CNOT4: variants seen among roughly 807,000 people sequenced by gnomAD.
CNOT4 encodes the protein CCR4-associated factor 4.
In CNOT4, 8 loss-of-function variants were observed where a neutral mutation model predicts 73.8. The ratio of observed to expected loss-of-function variants is 0.11; its 90% CI spans 0.06 to 0.20. The LOEUF (loss-of-function observed/expected upper bound fraction) is 0.20, where lower values mean the gene tolerates loss of function less well. CNOT4 is among the 10% of genes least tolerant of loss of function. The pLI is 1.00. For synonymous variants in CNOT4, 293 were observed against 321.1 expected, an observed-to-expected ratio of 0.91 and a Z score of 0.94; for missense variants, 564 against 883.4, an observed-to-expected ratio of 0.64 and a Z score of 4.58.
Position 135,395,739 on chromosome 7 carries a change from G to T in CNOT4, c.1024C>A (p.Arg342Ser). The T allele has an allele frequency of 9.9e-6, 16 of 1,613,278 alleles. No individual in the cohort carries two copies. The highest frequency in any genetic ancestry group is 1.3e-5 in the Non-Finnish European group (15 of 1,179,598). Residue 342 changes from arginine (R) to serine (S), a missense_variant, in exon 9 of 12, where the codon CGC becomes AGC. Transcript: ENST00000541284. The part of the protein sequence containing the change: ...ESQSLFSDNF[R>S]HPNPIPSGLP... ...CCACTTGGGATAGGGTTGGGATGGCGAAAATTGTCTGAGAATAACGACTGT... is the reference window on the plus strand; with the variant it reads ...CCACTTGGGATAGGGTTGGGATGGCTAAAATTGTCTGAGAATAACGACTGT...
intron 1 of CNOT4, among the ~76,000 whole-genome samples, chr7:135,459,591 G>A (rs751616059): frequency 1.2e-4 from 18 of 152,198 alleles, no homozygotes; most frequent in African/African-American, 4.1e-4. Context: ...GGACCTCCTC[G>A]CCTATGGATA....
At chr7:135,419,544 C>G (rs2129484407) in intron 3 of CNOT4, among the ~76,000 whole-genome samples, 2 of 152,084 alleles carry the variant, frequency 1.3e-5, no homozygotes, top group Admixed American at 1.3e-4. Context: ...GGAAAGCACC[C>G]ATTTATTTTA....
In CNOT4 at chr7:135,438,573, A is replaced by C. The variant is rs1454977051; in HGVS notation, c.-92-150T>G. 3 of 358,316 alleles carry C rather than the reference A, an allele frequency of 8.4e-6. No homozygotes were observed. In the East Asian group the frequency reaches 1.3e-4, roughly 16 times the overall value. The allele number at this position is 358,316 out of a possible 1,614,324, so 22.2% of individuals were successfully genotyped here. A position where few individuals can be genotyped will look rare whatever the true frequency, so the allele number is the denominator to read the frequency against. ...TGGCTTTCAGAATGGATTTCTGAAA[A>C]TTTTGAATACCAAAACAAAAGGCCT... On this transcript the variant is annotated intron_variant, in intron 1 of 11. Transcript: ENST00000541284.
intron 1 of CNOT4, among the ~76,000 whole-genome samples, chr7:135,498,113 T>G (rs1328882018): frequency 1.3e-5 from 2 of 152,164 alleles, no homozygotes; most frequent in African/African-American, 2.4e-5. Flanking sequence ...GTCTCACAGA[T>G]AGTAAGTAAG....
intron 1 of CNOT4, among the ~76,000 whole-genome samples, chr7:135,492,691 G>A (rs1803194677): frequency 1.3e-5 from 2 of 152,130 alleles, no homozygotes; most frequent in African/African-American, 4.8e-5. Flanking sequence ...CAGCTCTTTG[G>A]GAGGCCAAGA....
chr7:135,456,042 A>G (rs1306934501), intron 1 of CNOT4, among the ~76,000 whole-genome samples: 1 of 152,236 alleles, frequency 6.6e-6, no homozygotes. Flanking sequence ...TCTAGACATT[A>G]GGAAACATTT....
At chr7:135,414,618 A>G (rs938640089) in intron 4 of CNOT4, among the ~76,000 whole-genome samples, 186 bp from the exon 5 acceptor site, 1 of 152,122 alleles carries the variant, frequency 6.6e-6, no homozygotes, top group African/African-American at 2.4e-5. Context: ...ATAATACTCA[A>G]TGAATTTTAT....
chr7:135,408,404 G>GTGTATATACTCT (rs1563031339), intron 7 of CNOT4, among the ~76,000 whole-genome samples: 1 of 152,018 alleles, frequency 6.6e-6, no homozygotes, highest in African/African-American at 2.4e-5. Context: ...TGTGTATAAT[G>GTGTATATACTCT]GTTTATAGGC....
At chr7:135,445,558 A>G (rs2129485651) in intron 1 of CNOT4, among the ~76,000 whole-genome samples, 1 of 152,342 alleles carries the variant, frequency 6.6e-6, no homozygotes, top group South Asian at 2.1e-4. Flanking sequence ...TTGTAGACGT[A>G]TCAAAATATT....
At chr7:135,444,174 TAC>T (rs1265004848) in intron 1 of CNOT4, among the ~76,000 whole-genome samples, 1 of 147,248 alleles carries the variant, frequency 6.8e-6, no homozygotes, top group Non-Finnish European at 1.5e-5. Flanking sequence ...ATAATAATAA[TAC>T]ACGAGAATGT....
At chr7:135,491,217 G>C (rs1044121404) in intron 1 of CNOT4, among the ~76,000 whole-genome samples, 1 of 152,196 alleles carries the variant, frequency 6.6e-6, no homozygotes, top group African/African-American at 2.4e-5. Context: ...GAGTTACGGA[G>C]AGAGATCTGG....
chr7:135,400,033 G>A (rs1034656759), intron 7 of CNOT4, among the ~76,000 whole-genome samples: 2 of 152,034 alleles, frequency 1.3e-5, no homozygotes, highest in African/African-American at 2.4e-5. Flanking sequence ...GCTACTACAA[G>A]TGGGGCAATT....
chr7:135,364,701 AAC>A lies in CNOT4; in HGVS notation c.1628-637_1628-636del, dbSNP rs773806555. Among the ~76,000 whole-genome samples, 24 of 152,352 alleles carry A rather than the reference AAC, an allele frequency of 1.6e-4. No individual in the cohort carries two copies. The highest frequency in any genetic ancestry group is 5.0e-4 in the African/African-American group (21 of 41,586). Reference sequence around the variant, plus strand: ...ATACCTTCTAGATGGAATAATTTCCAACACAGTCTGCCTGCTCTACTCCAACA... The same window carrying A: ...ATACCTTCTAGATGGAATAATTTCCAACAGTCTGCCTGCTCTACTCCAACA... On this transcript the variant is annotated intron_variant, in intron 10 of 11. Coordinates refer to ENST00000541284, the MANE Select transcript of CNOT4 (RefSeq NM_001190850.2). This position sits in a 1 kb window ranked among gnomAD's most constrained non-coding sequence, Gnocchi z 4.3.
At chr7:135,415,566 T>G (rs1379111122) in intron 3 of CNOT4, among the ~76,000 whole-genome samples, 1 of 152,102 alleles carries the variant, frequency 6.6e-6, no homozygotes, top group Non-Finnish European at 1.5e-5. Flanking sequence ...TACAGTATTC[T>G]TAAACACAAA....
At chr7:135,423,122 G>C (rs1258434001) in intron 2 of CNOT4, among the ~76,000 whole-genome samples, 3 of 152,088 alleles carry the variant, frequency 2.0e-5, no homozygotes, top group Admixed American at 1.3e-4. Flanking sequence ...GTATTCAAAA[G>C]TCAATTATTA....
intron 1 of CNOT4, among the ~76,000 whole-genome samples, chr7:135,489,005 T>C (rs992406649): frequency 6.6e-6 from 1 of 152,054 alleles, no homozygotes; most frequent in South Asian, 2.1e-4. Flanking sequence ...AAGTTGTTCC[T>C]TCAGAAAAAA....
At chr7:135,444,146 AT>A (rs1329801931) in intron 1 of CNOT4, among the ~76,000 whole-genome samples, 9 of 80,366 alleles carry the variant, frequency 1.1e-4, no homozygotes, top group South Asian at 4.0e-4. Context: ...GTTTCAAAAA[AT>A]AATAATAATA....
intron 3 of CNOT4, among the ~76,000 whole-genome samples, chr7:135,421,161 T>C (rs1445373102): frequency 6.6e-6 from 1 of 152,134 alleles, no homozygotes; most frequent in Non-Finnish European, 1.5e-5. Flanking sequence ...AAACACATCA[T>C]CAATAAAGAT....
chr7:135,405,212 C>G (rs1423134604), intron 7 of CNOT4, among the ~76,000 whole-genome samples: 1 of 152,142 alleles, frequency 6.6e-6, no homozygotes, highest in Admixed American at 6.5e-5. Context: ...ACCACACAGG[C>G]CTACTGAGGA....
Sources: gnomAD v4.1 joint callset for allele counts (sites outside exome capture counted in the v4.1 genomes callset) on GRCh38, gnomAD v4.1.1 for gene constraint, Gnocchi (gnomAD v3.1) non-coding constraint, MANE v1.5 for transcripts, NCBI Gene and HGNC (gene_info 2026-07-23, HGNC 2026-07-21) for gene names.